The following TRPM3 variants were observed in gnomAD, a reference collection of about 807,000 sequenced individuals.
The protein encoded by TRPM3 is long transient receptor potential channel 3.
Under a neutral mutation model 181.2 loss-of-function variants are expected in TRPM3, and 77 were observed. The observed-to-expected ratio is 0.42, with a 90% CI of 0.35 to 0.51. The LOEUF (loss-of-function observed/expected upper bound fraction) is 0.51. TRPM3 is among the 20% of genes least tolerant of loss of function. The pLI is 0.01. For missense variants in TRPM3, 1,759 were observed against 2,196.7 expected (o/e 0.80, Z 3.98); for synonymous variants, 745 against 796.4 (o/e 0.94, Z 1.09).
At chr9:71,139,616 ATAGAAACTTTAACTTACAT>A in intron 1 of TRPM3, among the ~76,000 whole-genome samples, 1 of 152,326 alleles carries the variant, frequency 6.6e-6, no homozygotes, top group South Asian at 2.1e-4. Context: ...CGATTTTGCC[ATAGAAACTTTAACTTACAT>A]TAGAATTATT....
intron 1 of TRPM3, among the ~76,000 whole-genome samples, chr9:71,300,169 T>C (rs2086643551): frequency 1.3e-5 from 2 of 152,236 alleles, no homozygotes; most frequent in East Asian, 3.9e-4. Flanking sequence ...GTATTAATCA[T>C]AGGATAACCA....
intron 14 of TRPM3, among the ~76,000 whole-genome samples, chr9:70,621,899 A>G (rs2063693142): frequency 6.6e-6 from 1 of 152,208 alleles, no homozygotes; most frequent in Non-Finnish European, 1.5e-5. Flanking sequence ...TTGTGAACCA[A>G]GATTTCTTTC....
chr9:71,200,490 AT>A lies in TRPM3; in HGVS notation c.183+246162del, dbSNP rs1250462412. Among the ~76,000 whole-genome samples the A allele has an allele frequency of 3.3e-5, 5 of 151,658 alleles. No homozygotes were observed. In the East Asian group the frequency reaches 9.7e-4, roughly 29 times the overall value. The stretch of plus-strand genomic sequence containing the variant: ...CAGTGGGGTGTTAAAGTCTCCCATT[AT>A]TATTGTGTGGGAGTCTAAGTCTCTT... On this transcript the variant is annotated intron_variant, in intron 1 of 24. Transcript: ENST00000357533.
intron 8 of TRPM3, among the ~76,000 whole-genome samples, chr9:70,687,757 C>T (rs1433196627): frequency 6.6e-6 from 1 of 152,130 alleles, no homozygotes; most frequent in Non-Finnish European, 1.5e-5. Flanking sequence ...TATTTTGTGC[C>T]CCCTTAAAAG....
chr9:71,325,735 C>T (rs190666721), intron 1 of TRPM3, among the ~76,000 whole-genome samples: 29 of 152,164 alleles, frequency 1.9e-4, no homozygotes, highest in Non-Finnish European at 4.4e-5. Flanking sequence ...AATATTCTCC[C>T]TCTCATTCAC....
At chr9:71,306,906 T>C (rs1160857231) in intron 1 of TRPM3, among the ~76,000 whole-genome samples, 1 of 152,202 alleles carries the variant, frequency 6.6e-6, no homozygotes, top group Non-Finnish European at 1.5e-5. Flanking sequence ...TTATAGTATC[T>C]GGTTAAGGAT....
chr9:70,567,130 C>A (rs759689037), intron 22 of TRPM3, among the ~76,000 whole-genome samples: 2 of 152,146 alleles, frequency 1.3e-5, no homozygotes, highest in East Asian at 3.8e-4. Context: ...AGCTTGGATG[C>A]GGGAAAAATC....
chr9:71,363,357 C>T (rs932904506), intron 1 of TRPM3, among the ~76,000 whole-genome samples: 3 of 152,054 alleles, frequency 2.0e-5, no homozygotes, highest in Admixed American at 2.0e-4. Context: ...GTGATTTTTT[C>T]CTAAGCCAAA....
intron 1 of TRPM3, among the ~76,000 whole-genome samples, chr9:71,016,390 T>C (rs1020729916): frequency 2.6e-5 from 4 of 152,022 alleles, no homozygotes; most frequent in African/African-American, 9.7e-5. Context: ...TTCATCTCCC[T>C]AAGTAAAATC....
intron 1 of TRPM3, among the ~76,000 whole-genome samples, chr9:70,981,542 G>A (rs1025968466): frequency 7.9e-5 from 12 of 152,044 alleles, no homozygotes; most frequent in African/African-American, 2.9e-4. Flanking sequence ...GGAGGTACTG[G>A]GTTTTAGTCC....
rs537849927 is a variant in TRPM3 at position 70,798,982 on chromosome 9, A to G, written c.974-14703T>C. 9.2e-5 allele frequency among the ~76,000 whole-genome samples: 14 copies of G among 152,338 alleles called. No homozygotes were observed. The South Asian group carries it at 1.5e-3, about 16-fold the overall frequency. ...AGATTCTTAGGGACTCGAACAGCCA[A>G]TTTCAGTTCAGCTGTCCTGCACTTT... On this transcript the variant is annotated intron_variant, in intron 6 of 25. Transcript: ENST00000677713.
chr9:71,363,852 G>A (rs1020807188), intron 1 of TRPM3, among the ~76,000 whole-genome samples: 1 of 152,088 alleles, frequency 6.6e-6, no homozygotes, highest in East Asian at 1.9e-4. Context: ...GGTAGAACCT[G>A]AGCCTGGCAT....
At chr9:71,303,788 T>A (rs1375228960) in intron 1 of TRPM3, among the ~76,000 whole-genome samples, 1 of 152,184 alleles carries the variant, frequency 6.6e-6, no homozygotes, top group Non-Finnish European at 1.5e-5. Context: ...ATAAAGGTGT[T>A]ACATTATTTT....
chr9:70,804,128 C>A (rs548343015), intron 6 of TRPM3, among the ~76,000 whole-genome samples: 5 of 151,816 alleles, frequency 3.3e-5, no homozygotes, highest in Non-Finnish European at 7.4e-5. Flanking sequence ...GCCACCAGTT[C>A]GAGATCAGCC....
At position 70,605,911 on chromosome 9, in the gene TRPM3, A is replaced by C. The variant is rs186971501; in HGVS notation, c.2668-2441T>G. Among the ~76,000 whole-genome samples, 425 of 152,326 alleles carry C rather than the reference A, an allele frequency of 2.8e-3. 1 individual carries two copies. Among genetic ancestry groups the C allele is most frequent in the African/African-American group, 1.0e-2 (415 of 41,578 alleles). ...CATATGTAGGCCTAGTGACATGCAC[A>C]TTCTTCCAGAACCTCTGCATTTTAA... On this transcript the variant is annotated intron_variant, in intron 19 of 25. Transcript: ENST00000677713.
chr9:71,367,178 C>A (rs936334468), intron 1 of TRPM3, among the ~76,000 whole-genome samples: 1 of 152,092 alleles, frequency 6.6e-6, no homozygotes, highest in Non-Finnish European at 1.5e-5. Flanking sequence ...ATGCTTTACC[C>A]CAAGCTAAGA....
At chr9:70,587,926 G>A (rs764465182) in intron 22 of TRPM3, among the ~76,000 whole-genome samples, 6 of 152,156 alleles carry the variant, frequency 3.9e-5, no homozygotes, top group African/African-American at 1.4e-4. Flanking sequence ...CAAAGTTTCC[G>A]GGTAGAGCGG....
At chr9:70,961,276 A>G (rs1444199843) in intron 1 of TRPM3, among the ~76,000 whole-genome samples, 1 of 142,086 alleles carries the variant, frequency 7.0e-6, no homozygotes, top group East Asian at 2.1e-4. Flanking sequence ...TCTCCCCTAC[A>G]GTCTCCAGAA....
At chr9:71,170,401 C>T (rs1463312668) in intron 1 of TRPM3, among the ~76,000 whole-genome samples, 1 of 152,152 alleles carries the variant, frequency 6.6e-6, no homozygotes, top group East Asian at 1.9e-4. Context: ...GTGGATTAAG[C>T]TTAGGTCTTT....
Sources: allele counts gnomAD v4.1 joint callset (sites outside exome capture counted in the v4.1 genomes callset), GRCh38; gene constraint gnomAD v4.1.1; transcripts MANE v1.5; gene names NCBI Gene and HGNC (gene_info 2026-07-23, HGNC 2026-07-21).